TNIP1: variants seen among roughly 807,000 people sequenced by gnomAD.
The protein encoded by TNIP1 is TNFAIP3-interacting protein 1.
A neutral mutation model predicts 86.6 loss-of-function variants in TNIP1; 22 were observed. The ratio of observed to expected loss-of-function variants is 0.25; its 90% CI spans 0.18 to 0.36. The LOEUF (loss-of-function observed/expected upper bound fraction) is 0.36, where lower values mean the gene tolerates loss of function less well. Ranked by LOEUF, TNIP1 falls within the 10% of genes least tolerant of loss-of-function variation. The pLI is 1.00. For synonymous variants in TNIP1, 294 were observed against 313.0 expected (o/e 0.94, Z 0.64); for missense variants, 709 against 820.6 (o/e 0.86, Z 1.66).
At chr5:151,045,387 G>A (rs997090060) in intron 9 of TNIP1, among the ~76,000 whole-genome samples, 7 of 152,322 alleles carry the variant, frequency 4.6e-5, no homozygotes, top group East Asian at 1.9e-4. Context: ...ACCGCACCCA[G>A]CCAAGGTAGC....
intron 5 of TNIP1, among the ~76,000 whole-genome samples, chr5:151,058,890 C>T (rs532080689): frequency 6.6e-6 from 1 of 152,352 alleles, no homozygotes; most frequent in East Asian, 1.9e-4. Context: ...TCTCTGAACT[C>T]TGGAGGAATG....
chr5:151,059,320 C>T (rs1020485104), intron 5 of TNIP1, among the ~76,000 whole-genome samples: 4 of 152,198 alleles, frequency 2.6e-5, no homozygotes, highest in South Asian at 2.1e-4. Context: ...AGGTTCCAGG[C>T]GACAGAACAT....
chr5:151,042,313 T>G (rs1291449871), intron 11 of TNIP1, among the ~76,000 whole-genome samples: 1 of 152,196 alleles, frequency 6.6e-6, no homozygotes, highest in Non-Finnish European at 1.5e-5. Flanking sequence ...CAAAAAGTTC[T>G]GAATAAAAAC....
intron 16 of TNIP1, 190 bp from the exon 17 acceptor site, chr5:151,032,573 T>TAGC (rs1217672765): frequency 1.6e-6 from 1 of 629,786 alleles, no homozygotes. Context: ...GAAGGTCATC[T>TAGC]AGCAAGGAGA....
In TNIP1 at chr5:151,063,818, C is replaced by T. The variant is rs964284641; in HGVS notation, c.137-71G>A. On this transcript the variant is annotated intron_variant, in intron 2 of 17. Transcript: ENST00000521591. ...GTGTGCTGCTTCTCCCCGTCCCAGG[C>T]CCCTAACCGTGCTGCCGCCTGGCTT... is the stretch of plus-strand genomic sequence containing the variant. 12 of 1,567,152 alleles carry T rather than the reference C, an allele frequency of 7.7e-6. No homozygotes were observed. The African/African-American group carries it at 1.5e-4, about 19-fold the overall frequency.
intron 1 of TNIP1, among the ~76,000 whole-genome samples, chr5:151,069,669 G>C (rs1762615695): frequency 6.6e-6 from 1 of 152,164 alleles, no homozygotes; most frequent in South Asian, 2.1e-4. Context: ...CAGCAGAGGT[G>C]AGGGCTGCCA....
chr5:151,064,908 T>C (rs1476047945), intron 2 of TNIP1, 52 bp downstream of exon 2: 1 of 1,610,898 alleles, frequency 6.2e-7, no homozygotes, highest in African/African-American at 1.3e-5. Context: ...GGGACTGGCA[T>C]CACAGTCTGC....
chr5:151,071,315 C>G (rs1403223950), intron 1 of TNIP1, among the ~76,000 whole-genome samples: 5 of 152,076 alleles, frequency 3.3e-5, no homozygotes, highest in Non-Finnish European at 5.9e-5. Flanking sequence ...GACACAGAGT[C>G]TCATATAGTA....
intron 1 of TNIP1, among the ~76,000 whole-genome samples, chr5:151,075,855 T>C (rs974009357): frequency 3.3e-5 from 5 of 152,158 alleles, no homozygotes; most frequent in Admixed American, 3.3e-4. Context: ...CATAGGGCAG[T>C]CCCATACCTG....
intron 1 of TNIP1, among the ~76,000 whole-genome samples, chr5:151,067,782 C>T (rs1422806567): frequency 6.6e-6 from 1 of 152,200 alleles, no homozygotes; most frequent in African/African-American, 2.4e-5. Context: ...GACCCCGACC[C>T]CGCCTCCTGC....
chr5:151,036,387 A>T (rs1333610854), intron 13 of TNIP1, among the ~76,000 whole-genome samples: 1 of 152,208 alleles, frequency 6.6e-6, no homozygotes, highest in Non-Finnish European at 1.5e-5. Context: ...ATTTGGCAAG[A>T]GTATCCGGCT....
intron 6 of TNIP1, among the ~76,000 whole-genome samples, chr5:151,055,694 G>A (rs78405841): frequency 2.0e-4 from 30 of 152,116 alleles, no homozygotes; most frequent in African/African-American, 5.6e-4. Context: ...CCAAGGTCAC[G>A]CAAGGGGGAC....
chr5:151,066,950 T>A, intron 1 of TNIP1, among the ~76,000 whole-genome samples: 1 of 152,132 alleles, frequency 6.6e-6, no homozygotes, highest in Admixed American at 6.5e-5. Flanking sequence ...CAATAAGGAC[T>A]TGTCCAAGAG....
At chr5:151,072,184 C>A (rs190497911) in intron 1 of TNIP1, among the ~76,000 whole-genome samples, 1 of 152,040 alleles carries the variant, frequency 6.6e-6, no homozygotes, top group East Asian at 1.9e-4. Flanking sequence ...CTTTCCACTG[C>A]TCTACACTGC....
chr5:151,076,626 T>A (rs919013442), intron 1 of TNIP1, among the ~76,000 whole-genome samples: 11 of 152,096 alleles, frequency 7.2e-5, no homozygotes. Context: ...CACTGTGCAC[T>A]CTCTTACCAC....
intron 1 of TNIP1, among the ~76,000 whole-genome samples, chr5:151,069,552 C>T (rs193226461): frequency 8.5e-4 from 130 of 152,274 alleles, no homozygotes; most frequent in African/African-American, 3.0e-3. Context: ...GCCAGCTATC[C>T]CTGCAACCCT....
chr5:151,030,527 G>A lies in TNIP1; in HGVS notation c.*186C>T, dbSNP rs1756753563. 1.2e-6 allele frequency: 1 copy of A among 859,634 alleles called. No individual in the cohort carries two copies. The highest frequency in any genetic ancestry group is 1.7e-5 in the African/African-American group (1 of 58,438). The allele number at this position is 859,634 out of a possible 1,614,324, so 53.3% of individuals were successfully genotyped here. ...AGCAGAGTACAAATGAAAGCCTTCT[G>A]GGTGGAGCCTCCCCAGTCCTGTAAA... is the stretch of plus-strand genomic sequence containing the variant. On this transcript the variant is annotated 3_prime_UTR_variant, in exon 18 of 18. Transcript: ENST00000521591.
At chr5:151,048,671 C>T (rs1759495852) in intron 8 of TNIP1, among the ~76,000 whole-genome samples, 1 of 152,276 alleles carries the variant, frequency 6.6e-6, no homozygotes, top group South Asian at 2.1e-4. Context: ...AGTAAAGAGA[C>T]CTGTCCAGGG....
rs115921657 is a variant in TNIP1, at chr5:151,074,436, C to T, written c.-37+6444G>A. Among the ~76,000 whole-genome samples the T allele has an allele frequency of 2.6e-3, 396 of 152,302 alleles. 4 individuals are homozygous for T. Among genetic ancestry groups the T allele is most frequent in the African/African-American group, 9.0e-3 (373 of 41,580 alleles). On this transcript the variant is annotated intron_variant, in intron 1 of 17. Transcript: ENST00000521591. ...AAAATATGGTGGAAAGAGGGTTTCA[C>T]AGATTCAAATCCTGGCTATGATCCC...
Sources: gnomAD v4.1 joint callset for allele counts (sites outside exome capture counted in the v4.1 genomes callset) on GRCh38, gnomAD v4.1.1 for gene constraint, MANE v1.5 for transcripts, NCBI Gene and HGNC (gene_info 2026-07-23, HGNC 2026-07-21) for gene names.